The following RPS6KC1 variants were observed in gnomAD, a reference collection of about 807,000 sequenced individuals.
The protein encoded by RPS6KC1 is ribosomal protein S6 kinase C1, also known as inactive ribosomal protein S6 kinase delta-1.
A neutral mutation model predicts 103.8 loss-of-function variants in RPS6KC1; 54 were observed. The ratio of observed to expected loss-of-function variants is 0.52; its 90% CI spans 0.42 to 0.65. The LOEUF (loss-of-function observed/expected upper bound fraction) is 0.65, where lower values mean the gene tolerates loss of function less well. Among genes scored for constraint, RPS6KC1 ranks in the 30% least tolerant of loss-of-function variants. RPS6KC1 has a pLI of 0.00. For missense variants in RPS6KC1, 1,151 were observed against 1,253.8 expected (o/e 0.92, Z 1.24); for synonymous variants, 439 against 438.7 (o/e 1.00, Z -0.01).
intron 6 of RPS6KC1, among the ~76,000 whole-genome samples, chr1:213,136,140 ATCCCC>A (rs2086245315): frequency 1.3e-5 from 2 of 152,308 alleles, no homozygotes; most frequent in Non-Finnish European, 2.9e-5. Flanking sequence ...TGTATTTGCT[ATCCCC>A]TTTCTCTTAT....
the RPS6KC1 span, among the ~76,000 whole-genome samples, chr1:213,435,228 T>C: frequency 6.6e-6 from 1 of 152,338 alleles, no homozygotes; most frequent in East Asian, 1.9e-4. Flanking sequence ...AATTTATCTT[T>C]TAAAAAATAT....
chr1:213,624,432 C>T, the RPS6KC1 span, among the ~76,000 whole-genome samples: 1 of 152,314 alleles, frequency 6.6e-6, no homozygotes, highest in African/African-American at 2.4e-5. Context: ...CCAGAGTGTA[C>T]ATGGAAGGGC....
chr1:213,195,350 A>G (rs1397692129), intron 8 of RPS6KC1, among the ~76,000 whole-genome samples: 1 of 152,230 alleles, frequency 6.6e-6, no homozygotes, highest in Non-Finnish European at 1.5e-5. Context: ...GAGAAAACTT[A>G]ATGGAAGGTA....
chr1:213,568,496 C>T, the RPS6KC1 span, among the ~76,000 whole-genome samples: 1 of 152,138 alleles, frequency 6.6e-6, no homozygotes, highest in Non-Finnish European at 1.5e-5. Context: ...CCCAGCTGCT[C>T]CTAATTATAC....
At chr1:213,859,023 G>C in the RPS6KC1 span, among the ~76,000 whole-genome samples, 1 of 152,164 alleles carries the variant, frequency 6.6e-6, no homozygotes. Context: ...TGATGAGCTG[G>C]ACTTTTTTTT....
chr1:213,592,870 C>T, the RPS6KC1 span, among the ~76,000 whole-genome samples: 5 of 152,118 alleles, frequency 3.3e-5, no homozygotes, highest in East Asian at 1.9e-4. Flanking sequence ...TAATTTCAAA[C>T]GGCTGTAAGA....
chr1:213,586,133 G>A, the RPS6KC1 span, among the ~76,000 whole-genome samples: 1 of 152,028 alleles, frequency 6.6e-6, no homozygotes, highest in East Asian at 1.9e-4. Flanking sequence ...CATCCATGGT[G>A]ACCTTGGCAT....
chr1:213,076,754 G>A (rs2079379492), intron 2 of RPS6KC1, among the ~76,000 whole-genome samples: 1 of 151,946 alleles, frequency 6.6e-6, no homozygotes, highest in Admixed American at 6.6e-5. Flanking sequence ...TGATGTTCTG[G>A]TCAGGATTCA....
At chr1:213,573,428 A>C in the RPS6KC1 span, among the ~76,000 whole-genome samples, 1 of 152,222 alleles carries the variant, frequency 6.6e-6, no homozygotes, top group African/African-American at 2.4e-5. Flanking sequence ...TCTCATAAGA[A>C]GAATGACCAG....
chr1:213,634,734 C>A, the RPS6KC1 span, among the ~76,000 whole-genome samples: 2 of 149,552 alleles, frequency 1.3e-5, no homozygotes, highest in African/African-American at 4.9e-5. Context: ...AAGATCAGAT[C>A]AGAACTGAAA....
chr1:213,542,422 G>A, the RPS6KC1 span, among the ~76,000 whole-genome samples: 1 of 152,202 alleles, frequency 6.6e-6, no homozygotes, highest in Admixed American at 6.5e-5. Context: ...TCAGAAGGAT[G>A]GGACAGGCCA....
the RPS6KC1 span, among the ~76,000 whole-genome samples, chr1:213,360,148 G>A: frequency 6.6e-5 from 10 of 152,190 alleles, no homozygotes; most frequent in Non-Finnish European, 1.2e-4. Context: ...ATCCCGCAGA[G>A]TGTTTTCCAA....
At chr1:213,114,750 T>G (rs1362219898) in intron 4 of RPS6KC1, among the ~76,000 whole-genome samples, 5 of 151,922 alleles carry the variant, frequency 3.3e-5, no homozygotes, top group Admixed American at 3.3e-4. Context: ...TAATTGAGAG[T>G]TTTTAGCACG....
chr1:213,200,265 T>C (rs1573219724), intron 8 of RPS6KC1, among the ~76,000 whole-genome samples: 1 of 152,056 alleles, frequency 6.6e-6, no homozygotes. Flanking sequence ...CAAAACAGCA[T>C]GATACTGGCA....
At chr1:213,434,482 G>A in the RPS6KC1 span, among the ~76,000 whole-genome samples, 5,090 of 151,992 alleles carry the variant, frequency 0.033, 111 homozygotes, top group Non-Finnish European at 0.051. Context: ...TTGAGACAGA[G>A]TGTCGCTCTG....
chr1:213,862,484 T>A, the RPS6KC1 span, among the ~76,000 whole-genome samples: 1 of 152,124 alleles, frequency 6.6e-6, no homozygotes, highest in Non-Finnish European at 1.5e-5. Flanking sequence ...CATAAAGGAA[T>A]CAATTACTGT....
At chr1:213,227,132 A>G (rs1487657515) in intron 8 of RPS6KC1, among the ~76,000 whole-genome samples, 1 of 152,220 alleles carries the variant, frequency 6.6e-6, no homozygotes, top group East Asian at 1.9e-4. Context: ...AGAGAATTAC[A>G]TGATTTAATT....
At chr1:213,620,696 G>A in the RPS6KC1 span, among the ~76,000 whole-genome samples, 41 of 152,284 alleles carry the variant, frequency 2.7e-4, no homozygotes, top group South Asian at 8.5e-3. Context: ...TGACATAGTT[G>A]TTACATTTTT....
chr1:213,176,025 G>C (rs1286825254), intron 7 of RPS6KC1, among the ~76,000 whole-genome samples: 1 of 152,108 alleles, frequency 6.6e-6, no homozygotes, highest in Non-Finnish European at 1.5e-5. Flanking sequence ...CTCTTGAGGT[G>C]TCTGGGTTAA....
Sources: allele counts gnomAD v4.1 joint callset (sites outside exome capture counted in the v4.1 genomes callset), GRCh38; gene constraint gnomAD v4.1.1; transcripts MANE v1.5; gene names NCBI Gene and HGNC (gene_info 2026-07-23, HGNC 2026-07-21).